The following BICC1 variants were observed in gnomAD, a reference collection of about 807,000 sequenced individuals.
BICC1 encodes BicC family RNA binding protein 1.
In BICC1, 43 loss-of-function variants were observed where a neutral mutation model predicts 111.0. That is an observed-to-expected ratio of 0.39 (90% CI 0.30 to 0.50). The LOEUF (loss-of-function observed/expected upper bound fraction) is 0.50. Ranked by LOEUF, BICC1 falls within the 20% of genes least tolerant of loss-of-function variation. BICC1 has a pLI of 0.88. For synonymous variants in BICC1, 467 were observed against 434.4 expected, an observed-to-expected ratio of 1.07 and a Z score of -0.93; for missense variants, 1,091 against 1,203.2, an observed-to-expected ratio of 0.91 and a Z score of 1.38.
chr10:58,673,804 A>G (rs1011605588), intron 2 of BICC1, among the ~76,000 whole-genome samples: 2 of 96,030 alleles, frequency 2.1e-5, no homozygotes, highest in Non-Finnish European at 4.4e-5. Context: ...TTTTTTTTGT[A>G]TTTTTAGTAG....
chr10:58,669,932 A>G (rs1272513834), intron 2 of BICC1, among the ~76,000 whole-genome samples: 2 of 152,200 alleles, frequency 1.3e-5, no homozygotes, highest in African/African-American at 4.8e-5. Context: ...GTAAACATTC[A>G]TGAATTCTTA....
At chr10:58,619,684 A>C (rs370566970) in intron 1 of BICC1, among the ~76,000 whole-genome samples, 1 of 152,148 alleles carries the variant, frequency 6.6e-6, no homozygotes, top group African/African-American at 2.4e-5. Context: ...TATGTTTGCC[A>C]GGATGGTCTT....
intron 1 of BICC1, among the ~76,000 whole-genome samples, chr10:58,557,842 T>C (rs1843495797): frequency 6.6e-6 from 1 of 152,150 alleles, no homozygotes; most frequent in African/African-American, 2.4e-5. Context: ...ATTTTTCTTC[T>C]CATGGCCTGT....
chr10:58,600,019 G>T (rs1844975440), intron 1 of BICC1, among the ~76,000 whole-genome samples: 1 of 151,944 alleles, frequency 6.6e-6, no homozygotes. Context: ...TTTGGACAAA[G>T]ATTGTCAAGA....
intron 1 of BICC1, among the ~76,000 whole-genome samples, chr10:58,548,899 A>G (rs1337476506): frequency 1.3e-5 from 2 of 151,930 alleles, no homozygotes; most frequent in African/African-American, 4.8e-5. Flanking sequence ...TCCCTCTGTC[A>G]CCCAGGCTGG....
At chr10:58,795,413 C>T (rs927270281) in intron 9 of BICC1, among the ~76,000 whole-genome samples, 2 of 152,034 alleles carry the variant, frequency 1.3e-5, no homozygotes, top group African/African-American at 4.8e-5. Context: ...TTTGAGTTGA[C>T]CAGAGTCACT....
At position 58,803,149 on chromosome 10, in the gene BICC1, A is replaced by C; in HGVS notation, c.2088A>C (p.Pro696=). 6.2e-7 allele frequency: 1 copy of C among 1,611,212 alleles called. No individual in the cohort carries two copies. Among genetic ancestry groups the C allele is most frequent in the Non-Finnish European group, 8.5e-7 (1 of 1,178,624 alleles). Residue 696 remains proline, a synonymous_variant, in exon 15 of 21, where the codon CCA becomes CCC. Coordinates refer to ENST00000373886, the MANE Select transcript of BICC1 (RefSeq NM_001080512.3). ...GCCCTTTGGCTGACAAGAAGGCTCC[A>C]GGGAGTGAGCGCGCTGCAGAGAGGG... The part of the protein sequence containing the change: ...TESPLADKKA[P]GSERAAERAA...
At chr10:58,565,470 G>C (rs574185668) in intron 1 of BICC1, among the ~76,000 whole-genome samples, 1 of 152,256 alleles carries the variant, frequency 6.6e-6, no homozygotes, top group East Asian at 1.9e-4. Flanking sequence ...TGGGGGTTTA[G>C]GAAAGAGGGC....
intron 1 of BICC1, among the ~76,000 whole-genome samples, chr10:58,592,488 G>A (rs1023308103): frequency 5.3e-5 from 8 of 152,010 alleles, no homozygotes; most frequent in African/African-American, 9.7e-5. Context: ...CGAGGCAGGC[G>A]GATCACGAGG....
At position 58,618,413 on chromosome 10, in the gene BICC1, A is replaced by G. The variant is rs544883067; in HGVS notation, c.191-2442A>G. ...CCATGTGAGGTCGTGCTTGGCTTGG[A>G]GCCACTATTGTCTGTAAAAGGTATA... On this transcript the variant is annotated intron_variant, in intron 1 of 20. Coordinates refer to ENST00000373886, the MANE Select transcript of BICC1 (RefSeq NM_001080512.3). Among the ~76,000 whole-genome samples, 19 of 152,308 alleles carry G rather than the reference A, an allele frequency of 1.2e-4. No homozygotes were observed. In the East Asian group the frequency reaches 3.7e-3, roughly 29 times the overall value.
intron 3 of BICC1, among the ~76,000 whole-genome samples, chr10:58,767,727 A>G (rs747648813): frequency 6.6e-6 from 1 of 152,168 alleles, no homozygotes; most frequent in Non-Finnish European, 1.5e-5. Flanking sequence ...GTAATCAGGA[A>G]AACAATATAT....
chr10:58,582,335 C>A (rs895505829), intron 1 of BICC1, among the ~76,000 whole-genome samples: 1 of 152,150 alleles, frequency 6.6e-6, no homozygotes, highest in Non-Finnish European at 1.5e-5. Context: ...CTTTGTTAAT[C>A]TAATAAATGA....
chr10:58,686,993 A>G (rs1238243433), intron 2 of BICC1, among the ~76,000 whole-genome samples: 3 of 152,160 alleles, frequency 2.0e-5, no homozygotes, highest in Admixed American at 2.0e-4. Flanking sequence ...GTTTCTCCCC[A>G]TCTTTGTGGT....
chr10:58,539,730 A>G (rs1423668097), intron 1 of BICC1, among the ~76,000 whole-genome samples: 1 of 151,952 alleles, frequency 6.6e-6, no homozygotes, highest in Non-Finnish European at 1.5e-5. Context: ...TAATAACCAG[A>G]CAGAATATTA....
chr10:58,784,060 T>C (rs896519850), intron 3 of BICC1, among the ~76,000 whole-genome samples: 1 of 152,198 alleles, frequency 6.6e-6, no homozygotes, highest in African/African-American at 2.4e-5. Flanking sequence ...CTATGAAGTC[T>C]GATACTCCTC....
chr10:58,525,717 A>T lies in BICC1; in HGVS notation c.190+12384A>T, dbSNP rs757244057. On this transcript the variant is annotated intron_variant, in intron 1 of 20. Transcript: ENST00000373886. ...CCCTAAAACTTTAATAATAAAAAAA[A>T]TTTTTTAAAGCAATACAAGGAAGCT... Among the ~76,000 whole-genome samples, 25 of 128,792 alleles carry T rather than the reference A, an allele frequency of 1.9e-4. No homozygotes were observed. The South Asian group carries it at 2.1e-3, about 11-fold the overall frequency. The allele number at this position is 128,792 out of a possible 152,430, so 84.5% of individuals were successfully genotyped here.
At chr10:58,759,968 G>GAA (rs56286810) in intron 3 of BICC1, among the ~76,000 whole-genome samples, 10 of 132,726 alleles carry the variant, frequency 7.5e-5, no homozygotes, top group African/African-American at 2.8e-4. Context: ...AAAAGAAAAA[G>GAA]AAAAAAAAAA....
chr10:58,696,347 A>T (rs1469083086), intron 2 of BICC1, among the ~76,000 whole-genome samples: 2 of 152,050 alleles, frequency 1.3e-5, no homozygotes, highest in African/African-American at 2.4e-5. Flanking sequence ...ATAAAAAAAA[A>T]TTTTCTTACA....
chr10:58,533,868 A>G (rs574662500), intron 1 of BICC1, among the ~76,000 whole-genome samples: 2 of 151,936 alleles, frequency 1.3e-5, no homozygotes, highest in Admixed American at 6.6e-5. Context: ...AAGGGGGACA[A>G]AATTACTACT....
Sources: gnomAD v4.1 joint callset for allele counts (sites outside exome capture counted in the v4.1 genomes callset) on GRCh38, gnomAD v4.1.1 for gene constraint, MANE v1.5 for transcripts, NCBI Gene and HGNC (gene_info 2026-07-23, HGNC 2026-07-21) for gene names.